Variants in TAFA1 observed in about 807,000 individuals in gnomAD.
TAFA1 encodes TAFA chemokine like family member 1.
In TAFA1, 4 loss-of-function variants were observed where a neutral mutation model predicts 18.5. That is an observed-to-expected ratio of 0.22 (90% CI 0.11 to 0.49). The LOEUF is 0.49. Ranked by LOEUF, TAFA1 falls within the 20% of genes least tolerant of loss-of-function variation. The pLI, the probability that TAFA1 is intolerant of heterozygous loss-of-function variation, is 0.98. For synonymous variants in TAFA1, 56 were observed against 55.2 expected, an observed-to-expected ratio of 1.01 and a Z score of -0.06; for missense variants, 147 against 169.0, an observed-to-expected ratio of 0.87 and a Z score of 0.72.
chr3:68,142,810 T>A (rs1270970715), intron 2 of TAFA1, among the ~76,000 whole-genome samples: 1 of 152,166 alleles, frequency 6.6e-6, no homozygotes, highest in Non-Finnish European at 1.5e-5. Flanking sequence ...AGCAGACCGG[T>A]GCATAATTAA....
chr3:68,356,611 C>G (rs917635514), intron 2 of TAFA1, among the ~76,000 whole-genome samples: 1 of 151,828 alleles, frequency 6.6e-6, no homozygotes, highest in Non-Finnish European at 1.5e-5. Flanking sequence ...TTCCCGCCAC[C>G]ATCCTGTGAG....
intron 3 of TAFA1, among the ~76,000 whole-genome samples, chr3:68,441,751 C>G (rs1379268072): frequency 1.3e-5 from 2 of 152,150 alleles, no homozygotes; most frequent in East Asian, 1.9e-4. Flanking sequence ...ATGAGGAGTT[C>G]CCTATGATCA....
intron 3 of TAFA1, among the ~76,000 whole-genome samples, chr3:68,447,387 G>T (rs575523751): frequency 9.3e-4 from 142 of 152,226 alleles, no homozygotes; most frequent in African/African-American, 3.2e-3. Context: ...ACTCCATTCT[G>T]TCCACTGCAG....
chr3:68,240,255 A>C (rs1239774896), intron 2 of TAFA1, among the ~76,000 whole-genome samples: 1 of 152,216 alleles, frequency 6.6e-6, no homozygotes, highest in African/African-American at 2.4e-5. Context: ...TGAACAAGGA[A>C]AGCTGTTTAA....
chr3:68,329,214 G>C (rs7639716), intron 2 of TAFA1, among the ~76,000 whole-genome samples: 1 of 131,098 alleles, frequency 7.6e-6, no homozygotes, highest in East Asian at 2.3e-4. Flanking sequence ...ATGCCTGGCT[G>C]CCTTTTTTTT....
At chr3:68,165,064 C>CCTTTTT (rs2065968102) in intron 2 of TAFA1, among the ~76,000 whole-genome samples, 1 of 152,136 alleles carries the variant, frequency 6.6e-6, no homozygotes, top group African/African-American at 2.4e-5. Flanking sequence ...GGATAAAGTT[C>CCTTTTT]AGGCCAAGGG....
chr3:68,492,759 A>T (rs1353233173), intron 3 of TAFA1, among the ~76,000 whole-genome samples: 2 of 152,136 alleles, frequency 1.3e-5, no homozygotes, highest in Non-Finnish European at 2.9e-5. Context: ...GAAAAGCTTT[A>T]AAAAAACTAC....
At position 68,216,115 on chromosome 3, in the gene TAFA1, T is replaced by G. The variant is rs2066653924; in HGVS notation, c.119-201165T>G. On this transcript the variant is annotated intron_variant, in intron 2 of 4. Transcript: ENST00000478136. ...CAAAACATTCTGGAAAAGGCAAAAC[T>G]TCAGAGAAAGTAAAAAGATTAGTGG... 4.6e-5 allele frequency among the ~76,000 whole-genome samples: 7 copies of G among 151,940 alleles called. No individual in the cohort carries two copies. The South Asian group carries it at 1.4e-3, about 31-fold the overall frequency.
At chr3:68,368,799 A>T (rs539376655) in intron 2 of TAFA1, among the ~76,000 whole-genome samples, 2 of 152,298 alleles carry the variant, frequency 1.3e-5, no homozygotes, top group South Asian at 4.1e-4. Context: ...ATGAGGGGCA[A>T]CACATTTGTG....
At chr3:68,471,922 T>C (rs2072003501) in intron 3 of TAFA1, among the ~76,000 whole-genome samples, 1 of 152,200 alleles carries the variant, frequency 6.6e-6, no homozygotes, top group Non-Finnish European at 1.5e-5. Context: ...ACTAACTTGC[T>C]TTTGATTTTA....
chr3:68,457,994 T>C (rs1015612866), intron 3 of TAFA1, among the ~76,000 whole-genome samples: 1 of 152,164 alleles, frequency 6.6e-6, no homozygotes, highest in Non-Finnish European at 1.5e-5. Context: ...ATGAACCCAT[T>C]AGACATTTTA....
chr3:68,109,416 A>G (rs567729798), intron 2 of TAFA1, among the ~76,000 whole-genome samples: 98 of 152,244 alleles, frequency 6.4e-4, no homozygotes, highest in African/African-American at 2.2e-3. Context: ...ATTTTCAGGC[A>G]TACTTCTTTA....
At chr3:68,396,989 A>C (rs2070393837) in intron 2 of TAFA1, among the ~76,000 whole-genome samples, 1 of 152,096 alleles carries the variant, frequency 6.6e-6, no homozygotes, top group Non-Finnish European at 1.5e-5. Flanking sequence ...CCAGCACTCC[A>C]ATCTCCAGCC....
chr3:68,397,354 T>A (rs1213552151), intron 2 of TAFA1, among the ~76,000 whole-genome samples: 1 of 152,136 alleles, frequency 6.6e-6, no homozygotes, highest in Non-Finnish European at 1.5e-5. Context: ...ATGTTCCCCT[T>A]TCTGTGTCCA....
chr3:68,479,758 G>A (rs889125627), intron 3 of TAFA1, among the ~76,000 whole-genome samples: 4 of 152,078 alleles, frequency 2.6e-5, no homozygotes, highest in African/African-American at 9.6e-5. Flanking sequence ...CAAATCATAG[G>A]GACTAAGAAG....
rs146739990 is a variant in TAFA1 at position 68,009,508 on chromosome 3, C to T, written c.118+2764C>T. ...CCCCAAGAAACTGCAGCACTGAAAC[C>T]AATTTTGACCCCAAGTGCTAATACA... On this transcript the variant is annotated intron_variant, in intron 2 of 4. Transcript: ENST00000478136. 5.6e-3 allele frequency among the ~76,000 whole-genome samples: 847 copies of T among 152,242 alleles called. 9 individuals are homozygous for T. The highest frequency in any genetic ancestry group is 0.02 in the African/African-American group (813 of 41,542).
chr3:68,047,120 A>T (rs563506275), intron 2 of TAFA1, among the ~76,000 whole-genome samples: 1 of 152,188 alleles, frequency 6.6e-6, no homozygotes, highest in Non-Finnish European at 1.5e-5. Flanking sequence ...AGGGTAGGCA[A>T]GCTACAGATG....
At chr3:68,191,298 G>A (rs1396016284) in intron 2 of TAFA1, among the ~76,000 whole-genome samples, 2 of 151,752 alleles carry the variant, frequency 1.3e-5, no homozygotes, top group Non-Finnish European at 2.9e-5. Context: ...TGTGCTCAGA[G>A]TAGTACATAT....
chr3:68,208,110 C>G (rs569764659), intron 2 of TAFA1, among the ~76,000 whole-genome samples: 1 of 151,870 alleles, frequency 6.6e-6, no homozygotes, highest in East Asian at 2.0e-4. Context: ...TTTTAAAAAC[C>G]TTACAGTATT....
Sources: gnomAD v4.1 joint callset for allele counts (sites outside exome capture counted in the v4.1 genomes callset) on GRCh38, gnomAD v4.1.1 for gene constraint, MANE v1.5 for transcripts, NCBI Gene and HGNC (gene_info 2026-07-23, HGNC 2026-07-21) for gene names.